MGMT: variants seen among roughly 807,000 people sequenced by gnomAD.
The protein encoded by MGMT is methylated-DNA--protein-cysteine methyltransferase.
A neutral mutation model predicts 15.9 loss-of-function variants in MGMT; 14 were observed. That is an observed-to-expected ratio of 0.88 (90% CI 0.58 to 1.37). MGMT has a LOEUF of 1.37. Ranked by LOEUF, MGMT falls within the 40% of genes most tolerant of loss-of-function variation. MGMT has a pLI of 0.00. For synonymous variants in MGMT, 130 were observed against 118.2 expected, an observed-to-expected ratio of 1.10 and a Z score of -0.65; for missense variants, 282 against 268.1, an observed-to-expected ratio of 1.05 and a Z score of -0.36.
intron 2 of MGMT, among the ~76,000 whole-genome samples, chr10:129,543,454 G>A (rs931809750): frequency 1.3e-5 from 2 of 152,154 alleles, no homozygotes; most frequent in African/African-American, 2.4e-5. Context: ...GAGCTGCCTC[G>A]CCACAGAAGA....
chr10:129,745,847 A>G (rs1393016390), intron 3 of MGMT, among the ~76,000 whole-genome samples: 1 of 151,954 alleles, frequency 6.6e-6, no homozygotes, highest in African/African-American at 2.4e-5. Context: ...GTTTGGAAAA[A>G]TCTTTATATA....
intron 2 of MGMT, among the ~76,000 whole-genome samples, chr10:129,706,234 G>A (rs1315040452): frequency 2.0e-5 from 3 of 152,322 alleles, no homozygotes; most frequent in South Asian, 4.1e-4. Flanking sequence ...TCCTACGTCC[G>A]GGATGGCTCT....
At chr10:129,639,299 C>T (rs947770182) in intron 2 of MGMT, among the ~76,000 whole-genome samples, 7 of 152,026 alleles carry the variant, frequency 4.6e-5, no homozygotes, top group Non-Finnish European at 8.8e-5. Context: ...TGTTACATAG[C>T]GATAAAGTAT....
At chr10:129,657,714 C>CACACAG (rs1385536474) in intron 2 of MGMT, among the ~76,000 whole-genome samples, 1 of 150,590 alleles carries the variant, frequency 6.6e-6, no homozygotes, top group Non-Finnish European at 1.5e-5. Context: ...CACGCACACA[C>CACACAG]ACACACACAC....
At chr10:129,693,973 C>G (rs139594174) in intron 2 of MGMT, 2 of 152,094 alleles carry the variant, frequency 1.3e-5, no homozygotes, top group Admixed American at 1.3e-4. Context: ...GCAGGTGGCT[C>G]AGAATGAGGT....
At chr10:129,758,198 T>A (rs1413278640) in intron 3 of MGMT, among the ~76,000 whole-genome samples, 4 of 152,196 alleles carry the variant, frequency 2.6e-5, no homozygotes, top group Non-Finnish European at 5.9e-5. Context: ...CATGTAAGGG[T>A]GTGTTTCCTT....
rs549164104 is a variant in MGMT, at chr10:129,770,880, G to A, written c.*3883G>A. ...AAACAGTCCAAGGCCCTGGGGTGGG[G>A]GATTTAAATTTTTGGCTTCCCTCAG... On this transcript the variant is annotated 3_prime_UTR_variant, in exon 5 of 5. Coordinates refer to ENST00000651593, the MANE Select transcript of MGMT (RefSeq NM_002412.5). Among the ~76,000 whole-genome samples, 171 of 28,138 alleles carry A rather than the reference G, an allele frequency of 6.1e-3. No homozygotes were observed. The African/African-American group carries it at 0.064, about 11-fold the overall frequency. 18.5% of individuals were successfully genotyped at this position (28,138 alleles called of 152,430 possible). A position where few individuals can be genotyped will look rare whatever the true frequency, so the allele number is the denominator to read the frequency against.
At chr10:129,647,255 G>T (rs567477699) in intron 2 of MGMT, among the ~76,000 whole-genome samples, 10 of 145,778 alleles carry the variant, frequency 6.9e-5, no homozygotes, top group African/African-American at 2.6e-4. Context: ...GCTGGGGAGG[G>T]ATTCAGGGGC....
chr10:129,562,274 A>G (rs764702933), intron 2 of MGMT, among the ~76,000 whole-genome samples: 2 of 152,114 alleles, frequency 1.3e-5, no homozygotes, highest in East Asian at 1.9e-4. Context: ...ACTCCATGCA[A>G]TGGTCTTTGG....
intron 2 of MGMT, among the ~76,000 whole-genome samples, chr10:129,544,326 G>A (rs1347321329): frequency 2.0e-5 from 3 of 152,192 alleles, no homozygotes; most frequent in East Asian, 1.9e-4. Flanking sequence ...CAGCATCGGC[G>A]TCTGTTCAGG....
At chr10:129,655,876 G>T (rs1345673345) in intron 2 of MGMT, among the ~76,000 whole-genome samples, 1 of 152,196 alleles carries the variant, frequency 6.6e-6, no homozygotes, top group Non-Finnish European at 1.5e-5. Flanking sequence ...TCCATATAGA[G>T]CAGGCACTGA....
At chr10:129,578,273 G>A (rs923977877) in intron 2 of MGMT, among the ~76,000 whole-genome samples, 3 of 152,092 alleles carry the variant, frequency 2.0e-5, no homozygotes, top group East Asian at 3.9e-4. Context: ...GCAAAAACTC[G>A]GAACCAACCC....
chr10:129,621,272 C>A (rs1847087447), intron 2 of MGMT, among the ~76,000 whole-genome samples: 1 of 152,208 alleles, frequency 6.6e-6, no homozygotes, highest in Non-Finnish European at 1.5e-5. Flanking sequence ...AAGACCTTCA[C>A]CACAGTGAAC....
At chr10:129,564,572 A>C (rs1189649384) in intron 2 of MGMT, among the ~76,000 whole-genome samples, 22 of 42,898 alleles carry the variant, frequency 5.1e-4, no homozygotes, top group Admixed American at 6.8e-4. Context: ...CCTCCTCATT[A>C]TTTTCCTCCT....
At chr10:129,476,372 A>G (rs1379636930) in intron 1 of MGMT, among the ~76,000 whole-genome samples, 1 of 152,028 alleles carries the variant, frequency 6.6e-6, no homozygotes, top group East Asian at 1.9e-4. Flanking sequence ...TTTTGCTCAT[A>G]AGACTTGCCT....
At chr10:129,738,201 G>C (rs970402753) in intron 3 of MGMT, among the ~76,000 whole-genome samples, 12 of 152,208 alleles carry the variant, frequency 7.9e-5, no homozygotes, top group Non-Finnish European at 1.5e-4. Flanking sequence ...CTAGCAATCA[G>C]CGAGACTCCG....
At chr10:129,616,679 G>A (rs942336116) in intron 2 of MGMT, among the ~76,000 whole-genome samples, 4 of 152,276 alleles carry the variant, frequency 2.6e-5, no homozygotes, top group East Asian at 1.9e-4. Context: ...AGACATCTTC[G>A]AGAGTCACCT....
intron 2 of MGMT, among the ~76,000 whole-genome samples, chr10:129,586,431 A>T (rs750366936): frequency 2.0e-5 from 3 of 152,230 alleles, no homozygotes; most frequent in Non-Finnish European, 4.4e-5. Flanking sequence ...TGTGATGCAC[A>T]TATATACATA....
chr10:129,579,638 T>G (rs1846528905), intron 2 of MGMT, among the ~76,000 whole-genome samples: 1 of 152,226 alleles, frequency 6.6e-6, no homozygotes, highest in Non-Finnish European at 1.5e-5. Context: ...AGGCGACACA[T>G]GGAACGAGCA....
Sources: gnomAD v4.1 joint callset for allele counts (sites outside exome capture counted in the v4.1 genomes callset) on GRCh38, gnomAD v4.1.1 for gene constraint, MANE v1.5 for transcripts, NCBI Gene and HGNC (gene_info 2026-07-23, HGNC 2026-07-21) for gene names.